Variants in STAM2 observed in about 807,000 individuals in gnomAD.
STAM2 encodes the protein signal transducing adapter molecule 2.
Under a neutral mutation model 65.6 loss-of-function variants are expected in STAM2, and 51 were observed. The observed-to-expected ratio is 0.78, with a 90% CI of 0.62 to 0.98. The LOEUF (loss-of-function observed/expected upper bound fraction) is 0.98, where lower values mean the gene tolerates loss of function less well. Among genes scored for constraint, STAM2 ranks in the 50% least tolerant of loss-of-function variants. The probability of loss-of-function intolerance (pLI) is 0.00; values close to 1 mark genes in which losing one functional copy is unlikely to be tolerated. For synonymous variants in STAM2, 198 were observed against 208.4 expected, an observed-to-expected ratio of 0.95 and a Z score of 0.43; for missense variants, 584 against 617.8, an observed-to-expected ratio of 0.95 and a Z score of 0.58.
Position 152,175,648 on chromosome 2 carries a change from C to T in STAM2, c.-6G>A. 6.2e-7 allele frequency: 1 copy of T among 1,612,092 alleles called. No individual in the cohort carries two copies. Among genetic ancestry groups the T allele is most frequent in the Non-Finnish European group, 8.5e-7 (1 of 1,179,250 alleles). On this transcript the variant is annotated 5_prime_UTR_variant, in exon 1 of 14. Coordinates refer to ENST00000263904, the MANE Select transcript of STAM2 (RefSeq NM_005843.6). ...TTGGCGGTGAACAAAGGCATCTCGC[C>T]GGCGCCCGAGCCCTAGTCGCTGCTG...
At position 152,118,485 on chromosome 2, in the gene STAM2, A is replaced by T. The variant is rs1394300551; in HGVS notation, c.*2089T>A. On this transcript the variant is annotated 3_prime_UTR_variant, in exon 14 of 14. Coordinates refer to ENST00000263904, the MANE Select transcript of STAM2 (RefSeq NM_005843.6). ...ATGTGTCATGTTTTATTATTCTAAA[A>T]CTACATTATTTATAATGGCTGATCC... 4 of 149,722 alleles carry T rather than the reference A, an allele frequency of 2.7e-5. No homozygotes were observed. Among genetic ancestry groups the T allele is most frequent in the African/African-American group, 9.8e-5 (4 of 40,874 alleles). The allele number at this position is 149,722 out of a possible 1,614,324, so 9.3% of individuals were successfully genotyped here. A position where few individuals can be genotyped will look rare whatever the true frequency, so the allele number is the denominator to read the frequency against.
chr2:152,165,261 T>TA (rs563213920), intron 1 of STAM2, among the ~76,000 whole-genome samples: 3,366 of 146,762 alleles, frequency 0.023, 73 homozygotes, highest in African/African-American at 0.064. Context: ...TCGTCTCTAT[T>TA]AAAAAAAAAA....
chr2:152,148,797 G>A (rs1420247647), intron 2 of STAM2, among the ~76,000 whole-genome samples: 1 of 150,792 alleles, frequency 6.6e-6, no homozygotes, highest in Non-Finnish European at 1.5e-5. Context: ...AAAAAAGCAT[G>A]TTGCAAATGT....
intron 1 of STAM2, among the ~76,000 whole-genome samples, chr2:152,174,308 A>T (rs1689967119): frequency 6.6e-6 from 1 of 152,240 alleles, no homozygotes; most frequent in South Asian, 2.1e-4. Context: ...TTAAAAGTAC[A>T]GGTTGCACAA....
chr2:152,125,231 G>A (rs1688943788), intron 12 of STAM2, among the ~76,000 whole-genome samples: 1 of 152,168 alleles, frequency 6.6e-6, no homozygotes, highest in Non-Finnish European at 1.5e-5. Context: ...AAGGTCTTTT[G>A]CAGCCAGAAA....
intron 1 of STAM2, among the ~76,000 whole-genome samples, chr2:152,157,652 C>T (rs1689578677): frequency 6.6e-6 from 1 of 152,214 alleles, no homozygotes; most frequent in Non-Finnish European, 1.5e-5. Flanking sequence ...ATTTCTGTTG[C>T]ATAAGCTACC....
At position 152,122,620 on chromosome 2, in the gene STAM2, A is replaced by G. The variant is rs147986612; in HGVS notation, c.1349+1146T>C. ...TTATTTAATATTCATATAATATCTA[A>G]AATTCATACTCATGGAGTTTGAGGG... On this transcript the variant is annotated intron_variant, in intron 13 of 13. Transcript: ENST00000263904. Among the ~76,000 whole-genome samples, 27 of 152,284 alleles carry G rather than the reference A, an allele frequency of 1.8e-4. 1 individual carries two copies. Among genetic ancestry groups the G allele is most frequent in the Non-Finnish European group, 3.5e-4 (24 of 68,026 alleles).
intron 1 of STAM2, among the ~76,000 whole-genome samples, chr2:152,157,087 GGAGGACTAGCCCAAGTAGAA>G (rs1037021244): frequency 3.9e-5 from 6 of 152,056 alleles, no homozygotes; most frequent in African/African-American, 1.4e-4. Flanking sequence ...TCCAGCACAA[GGAGGACTAGCCCAAGTAGAA>G]GAGGACTAGC....
intron 1 of STAM2, among the ~76,000 whole-genome samples, chr2:152,165,968 C>G (rs547977176): frequency 1.3e-5 from 2 of 152,250 alleles, no homozygotes; most frequent in South Asian, 2.1e-4. Context: ...TGCGGGAGGT[C>G]AAGGCGGGCG....
intron 8 of STAM2, 92 bp downstream of exon 8, chr2:152,135,417 A>T: frequency 1.1e-6 from 1 of 892,696 alleles, no homozygotes; most frequent in Non-Finnish European, 1.8e-6. Context: ...AACAAAAGTT[A>T]AATGCCAATC....
At chr2:152,141,095 C>T (rs1243904893) in intron 7 of STAM2, among the ~76,000 whole-genome samples, 3 of 145,082 alleles carry the variant, frequency 2.1e-5, no homozygotes, top group Non-Finnish European at 3.0e-5. Flanking sequence ...GCCAAGATCA[C>T]GCCATTGCAC....
intron 8 of STAM2, 58 bp downstream of exon 8, chr2:152,135,451 A>G (rs1209758046): frequency 8.2e-7 from 1 of 1,218,196 alleles, no homozygotes; most frequent in Middle Eastern, 2.2e-4. Context: ...AAACTGAAAC[A>G]TAAAATTTAA....
Position 152,123,933 on chromosome 2 carries a change from T to C in STAM2, c.1182A>G (p.Thr394=). The change falls in exon 13 of 14, where the codon ACA becomes ACG. Residue 394 remains threonine, a splice_region_variant and synonymous_variant. Coordinates refer to ENST00000263904, the MANE Select transcript of STAM2 (RefSeq NM_005843.6). ...PPASSGVPMQ[T]YPVQSHGGNY... ...TTCCACCATGTGATTGAACTGGATA[T>C]GTCTATTAATCAGAAAGAAAAAGTT... 6.2e-7 allele frequency: 1 copy of C among 1,613,010 alleles called. No individual in the cohort carries two copies. The highest frequency in any genetic ancestry group is 8.5e-7 in the Non-Finnish European group (1 of 1,179,662).
At position 152,158,107 on chromosome 2, in the gene STAM2, G is replaced by A. The variant is rs915471145; in HGVS notation, c.41-7878C>T. On this transcript the variant is annotated intron_variant, in intron 1 of 13. Coordinates refer to ENST00000263904, the MANE Select transcript of STAM2 (RefSeq NM_005843.6). Reference sequence around the variant, plus strand: ...TATATTTTCAAGAATGCAAACATTGGTGAATGCTCAGCAGAGAAATGAAAA... The same window carrying A: ...TATATTTTCAAGAATGCAAACATTGATGAATGCTCAGCAGAGAAATGAAAA... 3.9e-5 allele frequency among the ~76,000 whole-genome samples: 6 copies of A among 152,296 alleles called. No homozygotes were observed. In the South Asian group the frequency reaches 1.0e-3, roughly 26 times the overall value.
At chr2:152,150,406 G>A (rs1689420424) in intron 1 of STAM2, among the ~76,000 whole-genome samples, 177 bp from the exon 2 acceptor site, 1 of 152,162 alleles carries the variant, frequency 6.6e-6, no homozygotes, top group South Asian at 2.1e-4. Context: ...ATAATTAAAT[G>A]AACTAAATAT....
intron 13 of STAM2, among the ~76,000 whole-genome samples, chr2:152,122,074 ATATGTGTG>A (rs1467994201): frequency 1.0e-4 from 14 of 135,594 alleles, no homozygotes; most frequent in South Asian, 2.5e-4. Flanking sequence ...ATATATATAT[ATATGTGTG>A]TGTGTGTGTG....
intron 1 of STAM2, among the ~76,000 whole-genome samples, chr2:152,160,245 A>G (rs1180091849): frequency 6.8e-6 from 1 of 147,120 alleles, no homozygotes; most frequent in Non-Finnish European, 1.5e-5. Context: ...GAAAGTGAGG[A>G]GCGTCTCTGC....
At chr2:152,168,209 G>A (rs1238444570) in intron 1 of STAM2, among the ~76,000 whole-genome samples, 1 of 151,760 alleles carries the variant, frequency 6.6e-6, no homozygotes, top group Non-Finnish European at 1.5e-5. Context: ...CGTCCGGGCT[G>A]GAGTGCAGTG....
At chr2:152,164,810 C>T (rs947956657) in intron 1 of STAM2, among the ~76,000 whole-genome samples, 4 of 151,928 alleles carry the variant, frequency 2.6e-5, no homozygotes, top group African/African-American at 4.8e-5. Flanking sequence ...GGAGCCAGGA[C>T]GAAAAGAAGG....
Sources: allele counts gnomAD v4.1 joint callset (sites outside exome capture counted in the v4.1 genomes callset), GRCh38; gene constraint gnomAD v4.1.1; transcripts MANE v1.5; gene names NCBI Gene and HGNC (gene_info 2026-07-23, HGNC 2026-07-21).